Variants in HECTD2 observed in about 807,000 individuals in gnomAD.
HECTD2 encodes HECT domain E3 ubiquitin protein ligase 2.
A neutral mutation model predicts 103.2 loss-of-function variants in HECTD2; 35 were observed. The observed-to-expected ratio is 0.34, with a 90% CI of 0.26 to 0.45. The LOEUF is 0.45. Ranked by LOEUF, HECTD2 falls within the 20% of genes least tolerant of loss-of-function variation. The probability of loss-of-function intolerance (pLI) is 1.00; values close to 1 mark genes in which losing one functional copy is unlikely to be tolerated. For missense variants in HECTD2, 596 were observed against 937.4 expected, an observed-to-expected ratio of 0.64 and a Z score of 4.76; for synonymous variants, 281 against 329.9, an observed-to-expected ratio of 0.85 and a Z score of 1.61.
In HECTD2 at chr10:91,493,410, GT is replaced by G. The variant is rs568783237; in HGVS notation, c.1433-3del. The G allele has an allele frequency of 1.1e-3, 1,613 of 1,455,182 alleles. 6 individuals carry two copies. The highest frequency in any genetic ancestry group is 6.1e-3 in the Middle Eastern group (34 of 5,536). The allele number at this position is 1,455,182 out of a possible 1,614,324, so 90.1% of individuals were successfully genotyped here. A position where few individuals can be genotyped will look rare whatever the true frequency, so the allele number is the denominator to read the frequency against. On this transcript the variant is annotated splice_polypyrimidine_tract_variant and intron_variant, in intron 13 of 20. Transcript: ENST00000298068. The stretch of plus-strand genomic sequence containing the variant: ...ATGTTAATAATAACATTATTCGTGT[GT>G]TTTTTTAGGCATGTTTACATATCAC...
intron 6 of HECTD2, 36 bp downstream of exon 6, chr10:91,478,301 T>C: frequency 1.6e-6 from 2 of 1,270,484 alleles, no homozygotes; most frequent in Non-Finnish European, 2.3e-6. Context: ...CTAATCAGTA[T>C]AGATGTCTAA....
chr10:91,437,552 G>C (rs1844171269), intron 2 of HECTD2, among the ~76,000 whole-genome samples: 1 of 150,112 alleles, frequency 6.7e-6, no homozygotes, highest in South Asian at 2.1e-4. Context: ...GTTGGGGGGA[G>C]TATAAAATAA....
intron 2 of HECTD2, among the ~76,000 whole-genome samples, chr10:91,454,655 G>A (rs1844991656): frequency 6.6e-6 from 1 of 151,732 alleles, no homozygotes; most frequent in Non-Finnish European, 1.5e-5. Context: ...GTGCCATGTT[G>A]GTGTGCTGCA....
chr10:91,494,906 A>G (rs1460958437), intron 14 of HECTD2, among the ~76,000 whole-genome samples: 1 of 152,026 alleles, frequency 6.6e-6, no homozygotes, highest in Non-Finnish European at 1.5e-5. Context: ...AAAATATTAT[A>G]GCTTAGTTAC....
intron 13 of HECTD2, 121 bp from the exon 14 acceptor site, chr10:91,493,299 G>C (rs1390650081): frequency 8.9e-6 from 4 of 451,034 alleles, no homozygotes; most frequent in Non-Finnish European, 1.5e-5. Flanking sequence ...AAGATGGTTT[G>C]TAACAGAATT....
Position 91,493,441 on chromosome 10 carries a change from A to C in HECTD2, c.1454A>C (p.Asp485Ala), listed in dbSNP as rs1589540179. Residue 485 changes from aspartate (D) to alanine (A), a missense_variant, in exon 14 of 21, where the codon GAT becomes GCT. By Grantham distance (126) the Asp-to-Ala change is moderately radical. Transcript: ENST00000298068. Reference sequence around the variant, plus strand: ...TTAGGCATGTTTACATATCACAAGGATTCACACTGCCATTGGTTTAGCAGC... The same window carrying C: ...TTAGGCATGTTTACATATCACAAGGCTTCACACTGCCATTGGTTTAGCAGC... ...PDYGMFTYHKDSHCHWFSSFK... is the reference protein window; with the variant it reads ...PDYGMFTYHKASHCHWFSSFK... 6.5e-7 allele frequency: 1 copy of C among 1,547,720 alleles called. No individual in the cohort carries two copies. The highest frequency in any genetic ancestry group is 1.4e-5 in the African/African-American group (1 of 71,420).
intron 16 of HECTD2, 24 bp downstream of exon 16, chr10:91,498,206 T>A: frequency 1.4e-6 from 2 of 1,472,458 alleles, no homozygotes; most frequent in Non-Finnish European, 1.9e-6. Context: ...CAAGTAGTTA[T>A]CTGTTAATCA....
At chr10:91,505,837 A>G (rs1301277634) in intron 20 of HECTD2, among the ~76,000 whole-genome samples, 2 of 151,878 alleles carry the variant, frequency 1.3e-5, no homozygotes, top group African/African-American at 4.8e-5. Context: ...TCAGCACCAC[A>G]CCACACCTAT....
rs550856473 is a variant in HECTD2, at chr10:91,436,252, G to A, written c.268+10842G>A. Among the ~76,000 whole-genome samples, 5 of 152,068 alleles carry A rather than the reference G, an allele frequency of 3.3e-5. No individual in the cohort carries two copies. In the South Asian group the frequency reaches 1.0e-3, roughly 31 times the overall value. On this transcript the variant is annotated intron_variant, in intron 2 of 20. Coordinates refer to ENST00000298068, the MANE Select transcript of HECTD2 (RefSeq NM_182765.6). ...AATGAGGGAACCAAGATGGATGATT[G>A]GAAGGTGAGGCATAAATAAGATTTG...
intron 2 of HECTD2, among the ~76,000 whole-genome samples, chr10:91,453,149 T>G (rs1005992735): frequency 1.3e-5 from 2 of 152,162 alleles, no homozygotes; most frequent in African/African-American, 4.8e-5. Context: ...AAGAAAATTA[T>G]GGCCGAGTGC....
At chr10:91,453,454 CAG>C (rs562791438) in intron 2 of HECTD2, among the ~76,000 whole-genome samples, 114 of 152,140 alleles carry the variant, frequency 7.5e-4, no homozygotes, top group Non-Finnish European at 1.1e-3. Flanking sequence ...AAATTATAAA[CAG>C]GGGATGGTAA....
At chr10:91,438,440 C>G (rs1316201925) in intron 2 of HECTD2, among the ~76,000 whole-genome samples, 1 of 152,148 alleles carries the variant, frequency 6.6e-6, no homozygotes, top group Non-Finnish European at 1.5e-5. Context: ...CATAGTATTC[C>G]ATGGTGCATA....
Position 91,513,884 on chromosome 10 carries a change from G to T in HECTD2, c.*1500G>T, listed in dbSNP as rs1455080610. 1 of 152,562 alleles carries T rather than the reference G, an allele frequency of 6.6e-6. No individual in the cohort carries two copies. The highest frequency in any genetic ancestry group is 1.5e-5 in the Non-Finnish European group (1 of 68,038). The allele number at this position is 152,562 out of a possible 1,614,324, so 9.5% of individuals were successfully genotyped here. On this transcript the variant is annotated 3_prime_UTR_variant, in exon 21 of 21. Transcript: ENST00000298068. ...TGAAGCCAACCCACAAATCTTTGAG[G>T]AAAAGGGGTCACTTTGTTTACTATT...
chr10:91,414,215 T>A (rs1219614941), intron 1 of HECTD2, among the ~76,000 whole-genome samples: 1 of 152,188 alleles, frequency 6.6e-6, no homozygotes, highest in Non-Finnish European at 1.5e-5. Flanking sequence ...AGAGCTAGAT[T>A]TGACTTAGGT....
At chr10:91,505,752 T>G (rs1847134391) in intron 20 of HECTD2, among the ~76,000 whole-genome samples, 1 of 151,962 alleles carries the variant, frequency 6.6e-6, no homozygotes, top group African/African-American at 2.4e-5. Context: ...GGAATTGAAC[T>G]CAGCTCCACA....
intron 2 of HECTD2, among the ~76,000 whole-genome samples, chr10:91,457,050 C>G (rs892809906): frequency 1.3e-5 from 2 of 152,162 alleles, no homozygotes; most frequent in Admixed American, 1.3e-4. Context: ...ACTGCAAACT[C>G]TACACACATA....
rs983240736 is a variant in HECTD2, at chr10:91,467,856, A to C, written c.600+5672A>C. On this transcript the variant is annotated intron_variant, in intron 5 of 20. Coordinates refer to ENST00000298068, the MANE Select transcript of HECTD2 (RefSeq NM_182765.6). Reference sequence around the variant, plus strand: ...TCATGCCACCATTGCTGCTGCAAAAATGCACACGGACACTAGCAACTAGCC... The same window carrying C: ...TCATGCCACCATTGCTGCTGCAAAACTGCACACGGACACTAGCAACTAGCC... Among the ~76,000 whole-genome samples, 7 of 151,986 alleles carry C rather than the reference A, an allele frequency of 4.6e-5. No homozygotes were observed. The South Asian group carries it at 1.0e-3, about 23-fold the overall frequency.
rs758566472 is a variant in HECTD2 at position 91,410,567 on chromosome 10, C to G, written c.129C>G (p.Gly43=). The stretch of plus-strand genomic sequence containing the variant: ...CGCCCATCGTATCGGCGGGCGCCGG[C>G]GCGACCGCGGTAGGTGGTGGGCCGG... ...KLPPIVSAGA[G]ATAGLDRGAK... Residue 43 remains glycine (G), a synonymous_variant, in exon 1 of 21, where the codon GGC becomes GGG. Coordinates refer to ENST00000298068, the MANE Select transcript of HECTD2 (RefSeq NM_182765.6). 1.6e-4 allele frequency: 233 copies of G among 1,426,718 alleles called. 1 individual carries two copies. The African/African-American group carries it at 3.3e-3, about 20-fold the overall frequency. The allele number at this position is 1,426,718 out of a possible 1,614,324, so 88.4% of individuals were successfully genotyped here.
At position 91,509,026 on chromosome 10, in the gene HECTD2, A is replaced by G. The variant is rs557759311; in HGVS notation, c.2211-3238A>G. Among the ~76,000 whole-genome samples, 121 of 151,592 alleles carry G rather than the reference A, an allele frequency of 8.0e-4. 1 individual carries two copies. In the South Asian group the frequency reaches 0.023, roughly 29 times the overall value. On this transcript the variant is annotated intron_variant, in intron 20 of 20. Coordinates refer to ENST00000298068, the MANE Select transcript of HECTD2 (RefSeq NM_182765.6). ...ATTCTCAGTAAACTATCGCAATAAC[A>G]AAAAACCAAACACCGCATATTCTCA... is the stretch of plus-strand genomic sequence containing the variant.
Sources: gnomAD v4.1 joint callset for allele counts (sites outside exome capture counted in the v4.1 genomes callset) on GRCh38, gnomAD v4.1.1 for gene constraint, MANE v1.5 for transcripts, NCBI Gene and HGNC (gene_info 2026-07-23, HGNC 2026-07-21) for gene names.